C2CD5: variants seen among roughly 807,000 people sequenced by gnomAD.
The protein encoded by C2CD5 is C2 domain-containing protein 5.
In C2CD5, 109 loss-of-function variants were observed where a neutral mutation model predicts 130.3. The ratio of observed to expected loss-of-function variants is 0.84; its 90% CI spans 0.72 to 0.98. C2CD5 has a LOEUF of 0.98. C2CD5 is among the 50% of genes least tolerant of loss of function. The pLI is 0.00. For missense variants in C2CD5, 996 were observed against 1,261.8 expected (o/e 0.79, Z 3.19); for synonymous variants, 454 against 429.2 (o/e 1.06, Z -0.71).
chr12:22,501,851 G>C (rs1157276445), intron 10 of C2CD5, among the ~76,000 whole-genome samples: 1 of 152,000 alleles, frequency 6.6e-6, no homozygotes, highest in Non-Finnish European at 1.5e-5. Flanking sequence ...ATATTGAAAA[G>C]ATTATGAGAT....
intron 8 of C2CD5, chr12:22,514,905 T>C: frequency 1.2e-6 from 1 of 858,638 alleles, no homozygotes. Context: ...ACCCAATAAT[T>C]TTTTACAGCA....
Position 22,518,060 on chromosome 12 carries a change from G to C in C2CD5, c.878C>G (p.Ser293Cys). The C allele has an allele frequency of 6.2e-7, 1 of 1,613,892 alleles. No individual in the cohort carries two copies. Among genetic ancestry groups the C allele is most frequent in the Non-Finnish European group, 8.5e-7 (1 of 1,179,744 alleles). The change falls in exon 8 of 27, where the codon TCC (serine) becomes TGC (cysteine). Residue 293 changes from serine to cysteine, a missense_variant. Coordinates refer to ENST00000446597, the MANE Select transcript of C2CD5 (RefSeq NM_001286176.2). Reference sequence around the variant, plus strand: ...ACTGTAGGACTTGGAAGGTGAAAAGGAATAAGTTTGGTTTTTCAGAGGGGT... The same window carrying C: ...ACTGTAGGACTTGGAAGGTGAAAAGCAATAAGTTTGGTTTTTCAGAGGGGT... ...PSTPLKNQTY[S>C]FSPSKSYSRQ... is the part of the protein sequence containing the mutation.
intron 3 of C2CD5, 103 bp downstream of exon 3, chr12:22,535,155 T>C (rs1303209844): frequency 5.7e-6 from 4 of 701,416 alleles, no homozygotes; most frequent in African/African-American, 1.8e-5. Context: ...TTTTGTGATG[T>C]AGAAATACTA....
At chr12:22,475,358 G>A (rs1238146549) in intron 15 of C2CD5, among the ~76,000 whole-genome samples, 2 of 152,114 alleles carry the variant, frequency 1.3e-5, no homozygotes, top group Admixed American at 6.6e-5. Context: ...ATCAATGTAT[G>A]AGTATGAATA....
chr12:22,524,387 A>G (rs1950554141), intron 6 of C2CD5, 85 bp downstream of exon 6: 1 of 1,084,436 alleles, frequency 9.2e-7, no homozygotes, highest in Non-Finnish European at 1.4e-6. Flanking sequence ...CCTTCATTGT[A>G]AAGTTGAGGT....
chr12:22,472,251 T>A lies in C2CD5; in HGVS notation c.2169+35A>T, dbSNP rs1289314954. 7 of 1,203,458 alleles carry A rather than the reference T, an allele frequency of 5.8e-6. No individual in the cohort carries two copies. The South Asian group carries it at 9.5e-5, about 16-fold the overall frequency. 74.5% of individuals were successfully genotyped at this position (1,203,458 alleles called of 1,614,324 possible). ...ATGGAACTTACTAAAATAACTTATG[T>A]GTTATGTGCTTAAAATTAAGAAAAA... On this transcript the variant is annotated intron_variant, in intron 18 of 26. Transcript: ENST00000446597.
At chr12:22,480,102 C>A (rs1185184605) in intron 14 of C2CD5, among the ~76,000 whole-genome samples, 1 of 152,154 alleles carries the variant, frequency 6.6e-6, no homozygotes, top group East Asian at 1.9e-4. Flanking sequence ...TAATATTCAA[C>A]CAGGGAACCC....
intron 2 of C2CD5, among the ~76,000 whole-genome samples, chr12:22,536,515 G>C (rs550135440): frequency 6.6e-6 from 1 of 152,204 alleles, no homozygotes; most frequent in Non-Finnish European, 1.5e-5. Flanking sequence ...GAAAGTGACT[G>C]AACAAATCAT....
chr12:22,469,597 G>A, intron 22 of C2CD5, 112 bp downstream of exon 22: 1 of 555,506 alleles, frequency 1.8e-6, no homozygotes, highest in South Asian at 2.9e-5. Context: ...TATAATGAGG[G>A]AATGAAGGAT....
At chr12:22,459,228 C>A (rs983018908) in intron 23 of C2CD5, among the ~76,000 whole-genome samples, 2 of 151,938 alleles carry the variant, frequency 1.3e-5, no homozygotes, top group African/African-American at 4.8e-5. Context: ...ATAACTTTTA[C>A]TACTGCTAAG....
chr12:22,514,232 A>G (rs1949487281), intron 8 of C2CD5, among the ~76,000 whole-genome samples: 1 of 152,174 alleles, frequency 6.6e-6, no homozygotes, highest in Admixed American at 6.6e-5. Flanking sequence ...CGTAAGATGC[A>G]TACAGCCAAA....
intron 8 of C2CD5, among the ~76,000 whole-genome samples, chr12:22,517,526 TAATA>T (rs1407364681): frequency 2.6e-5 from 4 of 152,070 alleles, no homozygotes; most frequent in Non-Finnish European, 4.4e-5. Flanking sequence ...AATACCCAGT[TAATA>T]AATAGATAGA....
At position 22,475,443 on chromosome 12, in the gene C2CD5, G is replaced by A. The variant is rs552162877; in HGVS notation, c.1903-552C>T. ...AATAAACATTGGTACTTACAATAAT[G>A]ATCTTTTTAAGGTCAGTGTATGGTG... On this transcript the variant is annotated intron_variant, in intron 15 of 26. Transcript: ENST00000446597. 5.9e-5 allele frequency among the ~76,000 whole-genome samples: 9 copies of A among 152,170 alleles called. No homozygotes were observed. In the East Asian group the frequency reaches 1.7e-3, roughly 29 times the overall value.
chr12:22,451,179 CT>C, intron 26 of C2CD5, among the ~76,000 whole-genome samples: 1 of 151,844 alleles, frequency 6.6e-6, no homozygotes, highest in Non-Finnish European at 1.5e-5. Context: ...CCATTCATAC[CT>C]TTTTGAATTT....
At chr12:22,497,265 A>C (rs143138095) in intron 10 of C2CD5, among the ~76,000 whole-genome samples, 3 of 152,102 alleles carry the variant, frequency 2.0e-5, no homozygotes, top group African/African-American at 7.2e-5. Context: ...ACTGTACTGT[A>C]TATGTCAAAA....
chr12:22,536,236 C>T (rs140024025), intron 2 of C2CD5, among the ~76,000 whole-genome samples: 94 of 151,874 alleles, frequency 6.2e-4, no homozygotes, highest in African/African-American at 2.1e-3. Flanking sequence ...GTAACAATGG[C>T]CACTACAAAC....
intron 3 of C2CD5, among the ~76,000 whole-genome samples, chr12:22,529,877 T>G (rs1184384708): frequency 6.6e-6 from 1 of 151,776 alleles, no homozygotes; most frequent in African/African-American, 2.4e-5. Context: ...GGAACACTCA[T>G]GTGCTCACTG....
intron 9 of C2CD5, chr12:22,512,699 T>TA (rs200568343): frequency 0.08 from 95,878 of 1,195,776 alleles, 517 homozygotes; most frequent in South Asian, 0.13. Context: ...GAAGTTTATT[T>TA]AAAAAAAAAA....
chr12:22,469,663 A>T, intron 22 of C2CD5, 46 bp downstream of exon 22: 1 of 1,186,020 alleles, frequency 8.4e-7, no homozygotes, highest in Non-Finnish European at 1.2e-6. Context: ...AGTGAAAGGA[A>T]CTAGAAACCA....
Sources: allele counts gnomAD v4.1 joint callset (sites outside exome capture counted in the v4.1 genomes callset), GRCh38; gene constraint gnomAD v4.1.1; transcripts MANE v1.5; gene names NCBI Gene and HGNC (gene_info 2026-07-23, HGNC 2026-07-21).